Variants in MEI4 observed in about 807,000 individuals in gnomAD.
MEI4 encodes meiotic double-stranded break formation protein 4.
In MEI4, 27 loss-of-function variants were observed where a neutral mutation model predicts 31.4. The ratio of observed to expected loss-of-function variants is 0.86; its 90% CI spans 0.63 to 1.19. The LOEUF (loss-of-function observed/expected upper bound fraction) is 1.19. Among genes scored for constraint, MEI4 ranks in the 50% most tolerant of loss-of-function variants. The pLI is 0.00. For synonymous variants in MEI4, 122 were observed against 145.4 expected (o/e 0.84, Z 1.16); for missense variants, 329 against 398.9 (o/e 0.82, Z 1.49).
chr6:77,787,475 A>T (rs891432306), intron 3 of MEI4, among the ~76,000 whole-genome samples: 51 of 152,188 alleles, frequency 3.4e-4, no homozygotes, highest in African/African-American at 9.6e-4. Context: ...CAGATCTAGC[A>T]ACAGCCATGT....
intron 2 of MEI4, among the ~76,000 whole-genome samples, chr6:77,698,227 C>T (rs1693615070): frequency 6.6e-6 from 1 of 152,082 alleles, no homozygotes; most frequent in Admixed American, 6.5e-5. Context: ...ATCCAATTTG[C>T]CAGTCTGTGT....
intron 2 of MEI4, among the ~76,000 whole-genome samples, chr6:77,713,784 C>G (rs1386935320): frequency 6.6e-6 from 1 of 152,166 alleles, no homozygotes; most frequent in Non-Finnish European, 1.5e-5. Context: ...ATATAATTTT[C>G]AGTGTTCTTC....
chr6:77,894,139 A>G (rs1285892244), intron 4 of MEI4, among the ~76,000 whole-genome samples: 1 of 152,182 alleles, frequency 6.6e-6, no homozygotes, highest in African/African-American at 2.4e-5. Flanking sequence ...AATGGTTTAT[A>G]TATTTTTTAA....
chr6:77,713,500 TGA>T (rs1413927648), intron 2 of MEI4, among the ~76,000 whole-genome samples: 6 of 152,208 alleles, frequency 3.9e-5, no homozygotes, highest in Non-Finnish European at 8.8e-5. Context: ...GAGTGTTGTG[TGA>T]GTTTTTTTCT....
At position 77,923,405 on chromosome 6, in the gene MEI4, C is replaced by CTCTT; in HGVS notation, c.*61_*62insTTTC. On this transcript the variant is annotated 3_prime_UTR_variant, in exon 5 of 5. Coordinates refer to ENST00000684080, the MANE Select transcript of MEI4 (RefSeq NM_001322247.2). ...ATAATAAAGTAGAATATATGAAAAT[C>CTCTT]TCATACTGAAAAGATTTTCAATAGT... The CTCTT allele has an allele frequency of 8.5e-7, 1 of 1,179,212 alleles. No homozygotes were observed. Among genetic ancestry groups the CTCTT allele is most frequent in the Non-Finnish European group, 1.1e-6 (1 of 941,422 alleles). 73.0% of individuals were successfully genotyped at this position (1,179,212 alleles called of 1,614,324 possible). A position where few individuals can be genotyped will look rare whatever the true frequency, so the allele number is the denominator to read the frequency against.
intron 2 of MEI4, among the ~76,000 whole-genome samples, chr6:77,713,945 C>G (rs1299807836): frequency 6.6e-6 from 1 of 151,926 alleles, no homozygotes; most frequent in Non-Finnish European, 1.5e-5. Flanking sequence ...CTTAAGTGTT[C>G]CCATCATTTA....
At chr6:77,814,579 A>G (rs1368914739) in intron 3 of MEI4, among the ~76,000 whole-genome samples, 5 of 152,148 alleles carry the variant, frequency 3.3e-5, no homozygotes, top group African/African-American at 9.6e-5. Flanking sequence ...TTAAGCTGAA[A>G]GCTGAATCAT....
intron 4 of MEI4, among the ~76,000 whole-genome samples, chr6:77,902,867 G>A (rs561905307): frequency 1.2e-4 from 19 of 152,214 alleles, no homozygotes; most frequent in Admixed American, 2.6e-4. Flanking sequence ...TCCCTAGAAT[G>A]TATAAAACCA....
intron 3 of MEI4, among the ~76,000 whole-genome samples, chr6:77,795,691 C>G (rs569792895): frequency 6.6e-6 from 1 of 151,574 alleles, no homozygotes; most frequent in South Asian, 2.1e-4. Context: ...CTTAGAAATA[C>G]ACAACCTACC....
intron 4 of MEI4, among the ~76,000 whole-genome samples, chr6:77,854,525 AT>A (rs1481817587): frequency 6.6e-6 from 1 of 151,878 alleles, no homozygotes; most frequent in Non-Finnish European, 1.5e-5. Flanking sequence ...TTATTTAAAA[AT>A]TAAAACATAT....
rs1026101044 is a variant in MEI4 at position 77,847,985 on chromosome 6, T to C, written c.900+18923T>C. The stretch of plus-strand genomic sequence containing the variant: ...ATATTTATCTCCTCTTCACTTTATG[T>C]ATCTTTATGCAGGAATCCTTTGAGT... On this transcript the variant is annotated intron_variant, in intron 4 of 4. Coordinates refer to ENST00000684080, the MANE Select transcript of MEI4 (RefSeq NM_001322247.2). This position sits in a 1 kb window ranked among gnomAD's most constrained non-coding sequence, Gnocchi z 4.6. Among the ~76,000 whole-genome samples, 77 of 152,182 alleles carry C rather than the reference T, an allele frequency of 5.1e-4. No homozygotes were observed. Among genetic ancestry groups the C allele is most frequent in the African/African-American group, 1.8e-3 (75 of 41,452 alleles).
intron 3 of MEI4, among the ~76,000 whole-genome samples, chr6:77,807,307 T>G (rs1047247493): frequency 6.6e-6 from 1 of 152,130 alleles, no homozygotes; most frequent in African/African-American, 2.4e-5. Flanking sequence ...GAATATAATT[T>G]AAAAGTTATT....
intron 3 of MEI4, among the ~76,000 whole-genome samples, chr6:77,797,558 C>G: frequency 6.6e-6 from 1 of 152,064 alleles, no homozygotes; most frequent in East Asian, 1.9e-4. Context: ...AAGCCAACAG[C>G]CTTCAGTCTG....
intron 3 of MEI4, among the ~76,000 whole-genome samples, chr6:77,782,318 C>T (rs1047778176): frequency 6.6e-6 from 1 of 152,080 alleles, no homozygotes; most frequent in African/African-American, 2.4e-5. Context: ...TGATTTTATA[C>T]ATAAGGGAAA....
upstream of MEI4, among the ~76,000 whole-genome samples, chr6:77,652,245 G>A (rs1036757415): frequency 6.6e-6 from 1 of 152,142 alleles, no homozygotes; most frequent in East Asian, 1.9e-4. Flanking sequence ...AATGGTTTGA[G>A]GAAAATTAGA....
At chr6:77,743,467 A>AAAAGTC (rs1561969576) in intron 2 of MEI4, among the ~76,000 whole-genome samples, 1 of 152,074 alleles carries the variant, frequency 6.6e-6, no homozygotes, top group Non-Finnish European at 1.5e-5. Flanking sequence ...TTGTACATTG[A>AAAAGTC]TTTTGTATCC....
intron 2 of MEI4, among the ~76,000 whole-genome samples, chr6:77,715,016 T>C (rs1460919875): frequency 6.6e-6 from 1 of 152,200 alleles, no homozygotes; most frequent in Non-Finnish European, 1.5e-5. Context: ...TATTTATCAC[T>C]TGAGTCCTTT....
At chr6:77,841,003 GC>G (rs1770343134) in intron 4 of MEI4, among the ~76,000 whole-genome samples, 1 of 152,048 alleles carries the variant, frequency 6.6e-6, no homozygotes, top group African/African-American at 2.4e-5. Context: ...TGAAAGAAAT[GC>G]TAAAAGCAGT....
chr6:77,781,112 G>A (rs1444290492), intron 3 of MEI4, among the ~76,000 whole-genome samples: 2 of 152,004 alleles, frequency 1.3e-5, no homozygotes, highest in African/African-American at 4.8e-5. Flanking sequence ...TGCCCAGGCT[G>A]TTCTTGAACT....
Sources: gnomAD v4.1 joint callset for allele counts (sites outside exome capture counted in the v4.1 genomes callset) on GRCh38, gnomAD v4.1.1 for gene constraint, Gnocchi (gnomAD v3.1) non-coding constraint, MANE v1.5 for transcripts, NCBI Gene and HGNC (gene_info 2026-07-23, HGNC 2026-07-21) for gene names.